TYR: variants seen among roughly 807,000 people sequenced by gnomAD.
TYR encodes the protein tyrosinase, also known as LB24-AB.
In TYR, 58 loss-of-function variants were observed where a neutral mutation model predicts 51.5. The ratio of observed to expected loss-of-function variants is 1.13; its 90% CI spans 0.91 to 1.40. The LOEUF is 1.40. TYR is among the 40% of genes most tolerant of loss of function. The pLI is 0.00. For synonymous variants in TYR, 263 were observed against 235.2 expected, an observed-to-expected ratio of 1.12 and a Z score of -1.08; for missense variants, 732 against 647.4, an observed-to-expected ratio of 1.13 and a Z score of -1.42.
At chr11:89,210,775 G>A (rs1194231747) in intron 2 of TYR, among the ~76,000 whole-genome samples, 1 of 152,234 alleles carries the variant, frequency 6.6e-6, no homozygotes, top group Non-Finnish European at 1.5e-5. Flanking sequence ...TCTCTCAGCA[G>A]AAACCCTATA....
chr11:89,229,609 T>G (rs1230891090), intron 3 of TYR, among the ~76,000 whole-genome samples: 3 of 151,990 alleles, frequency 2.0e-5, no homozygotes, highest in Non-Finnish European at 2.9e-5. Flanking sequence ...AAGAGGATAT[T>G]GTTTCTGTTT....
chr11:89,210,686 T>G (rs1943742699), intron 2 of TYR, among the ~76,000 whole-genome samples: 1 of 151,990 alleles, frequency 6.6e-6, no homozygotes. Flanking sequence ...AAGGTTGAAA[T>G]GAAGGAAAAA....
At chr11:89,211,027 A>G (rs1022069782) in intron 2 of TYR, among the ~76,000 whole-genome samples, 2 of 152,202 alleles carry the variant, frequency 1.3e-5, no homozygotes, top group Non-Finnish European at 2.9e-5. Context: ...TGTAAAGACC[A>G]TCAATGCTAT....
intron 3 of TYR, among the ~76,000 whole-genome samples, chr11:89,273,636 G>T (rs1253185541): frequency 1.3e-5 from 2 of 151,868 alleles, no homozygotes; most frequent in African/African-American, 4.8e-5. Context: ...TGCAATTGGG[G>T]CTGCCACAAA....
intron 2 of TYR, among the ~76,000 whole-genome samples, chr11:89,221,927 C>T (rs948102696): frequency 2.6e-5 from 4 of 152,180 alleles, no homozygotes; most frequent in Admixed American, 2.6e-4. Flanking sequence ...TAAAGTGCAA[C>T]ATCTGTAACT....
chr11:89,290,621 T>C (rs945443924), intron 4 of TYR, among the ~76,000 whole-genome samples: 1 of 152,008 alleles, frequency 6.6e-6, no homozygotes, highest in Admixed American at 6.6e-5. Context: ...CTGGGTTATA[T>C]AGTCCATGAT....
At chr11:89,274,760 T>C (rs1327310516) in intron 3 of TYR, among the ~76,000 whole-genome samples, 2 of 151,844 alleles carry the variant, frequency 1.3e-5, no homozygotes, top group Admixed American at 1.3e-4. Context: ...TAAGCCTTTG[T>C]GCTTGTGGAA....
intron 3 of TYR, among the ~76,000 whole-genome samples, chr11:89,267,104 G>T (rs1467262591): frequency 6.6e-6 from 1 of 151,900 alleles, no homozygotes; most frequent in Non-Finnish European, 1.5e-5. Flanking sequence ...GAGCAGTAAG[G>T]CTATTAATGT....
chr11:89,191,474 T>G, intron 2 of TYR, 56 bp downstream of exon 2: 1 of 1,522,724 alleles, frequency 6.6e-7, no homozygotes, highest in Non-Finnish European at 9.1e-7. Flanking sequence ...TTACAGTCTC[T>G]TATCCAAAGT....
chr11:89,183,430 A>C (rs1216300767), intron 1 of TYR, among the ~76,000 whole-genome samples: 1 of 152,116 alleles, frequency 6.6e-6, no homozygotes, highest in Non-Finnish European at 1.5e-5. Flanking sequence ...AGAGAAAAAA[A>C]ATGAGGTAGA....
rs773014785 is a variant in TYR at position 89,191,258 on chromosome 11, G to T, written c.876G>T (p.Thr292=). 1.2e-6 allele frequency: 2 copies of T among 1,613,462 alleles called. No homozygotes were observed. Among genetic ancestry groups the T allele is most frequent in the South Asian group, 1.1e-5 (1 of 91,074 alleles). ...YNSHQSLCNG[T]PEGPLRRNPG... is the part of the protein sequence containing the mutation. ...GCCATCAGTCTTTATGCAATGGAAC[G>T]CCCGAGGGACCTTTACGGCGTAATC... Residue 292 remains threonine (T), a synonymous_variant, in exon 2 of 5, where the codon ACG becomes ACT. Transcript: ENST00000263321.
intron 3 of TYR, among the ~76,000 whole-genome samples, chr11:89,228,441 G>T (rs745996167): frequency 2.6e-5 from 4 of 152,116 alleles, no homozygotes; most frequent in Non-Finnish European, 5.9e-5. Context: ...CCTTCTAAAG[G>T]CTTCAGGAGA....
At chr11:89,255,386 G>A (rs1267396608) in intron 3 of TYR, among the ~76,000 whole-genome samples, 1 of 151,358 alleles carries the variant, frequency 6.6e-6, no homozygotes, top group Admixed American at 6.6e-5. Flanking sequence ...CTGTCTTGAT[G>A]ACCTGTCTAA....
chr11:89,276,286 T>C (rs1352795004), intron 3 of TYR, among the ~76,000 whole-genome samples: 1 of 151,828 alleles, frequency 6.6e-6, no homozygotes, highest in Non-Finnish European at 1.5e-5. Context: ...AGCATCTGTT[T>C]TCTGTACCTT....
At chr11:89,208,862 A>G (rs1418021858) in intron 2 of TYR, among the ~76,000 whole-genome samples, 3 of 152,184 alleles carry the variant, frequency 2.0e-5, no homozygotes, top group Non-Finnish European at 2.9e-5. Context: ...AAGATTTTCC[A>G]TATCAATCAA....
chr11:89,224,928 TA>T (rs1565404083), intron 2 of TYR, among the ~76,000 whole-genome samples: 2 of 112,020 alleles, frequency 1.8e-5, no homozygotes, highest in Non-Finnish European at 3.5e-5. Context: ...TTGTAAAAAC[TA>T]TTTTTTTTTT....
chr11:89,284,122 T>A (rs540516145), intron 3 of TYR, among the ~76,000 whole-genome samples: 122 of 151,986 alleles, frequency 8.0e-4, no homozygotes, highest in Admixed American at 2.7e-3. Context: ...GGTTTCTGAT[T>A]GTCCCTGCTT....
At chr11:89,227,666 T>A (rs1295938673) in intron 2 of TYR, among the ~76,000 whole-genome samples, 157 bp from the exon 3 acceptor site, 1 of 152,198 alleles carries the variant, frequency 6.6e-6, no homozygotes, top group Non-Finnish European at 1.5e-5. Context: ...ACACTGGGTA[T>A]CCAGAATGTA....
At chr11:89,186,502 A>G (rs1943374847) in intron 1 of TYR, among the ~76,000 whole-genome samples, 1 of 152,092 alleles carries the variant, frequency 6.6e-6, no homozygotes, top group Non-Finnish European at 1.5e-5. Flanking sequence ...CCCTCTGCCC[A>G]AGGCCACTGG....
Sources: allele counts gnomAD v4.1 joint callset (sites outside exome capture counted in the v4.1 genomes callset), GRCh38; gene constraint gnomAD v4.1.1; transcripts MANE v1.5; gene names NCBI Gene and HGNC (gene_info 2026-07-23, HGNC 2026-07-21).